HSPA12A: variants seen among roughly 807,000 people sequenced by gnomAD.
The protein encoded by HSPA12A is heat shock 70 kDa protein 12A.
HSPA12A carries 28 observed loss-of-function variants against 69.2 expected under a neutral mutation model. That is an observed-to-expected ratio of 0.40 (90% CI 0.30 to 0.55). The LOEUF (loss-of-function observed/expected upper bound fraction) is 0.55, where lower values mean the gene tolerates loss of function less well. Among genes scored for constraint, HSPA12A ranks in the 20% least tolerant of loss-of-function variants. HSPA12A has a pLI of 0.38. For synonymous variants in HSPA12A, 345 were observed against 370.5 expected (o/e 0.93, Z 0.79); for missense variants, 686 against 900.7 (o/e 0.76, Z 3.05).
At chr10:116,810,770 G>A (rs1378389812) in intron 2 of HSPA12A, among the ~76,000 whole-genome samples, 1 of 152,176 alleles carries the variant, frequency 6.6e-6, no homozygotes, top group African/African-American at 2.4e-5. Flanking sequence ...GTAGGCTCAA[G>A]TTTGAGAACC....
chr10:116,794,162 G>A (rs1230366768), intron 2 of HSPA12A, among the ~76,000 whole-genome samples: 2 of 151,866 alleles, frequency 1.3e-5, no homozygotes, highest in Non-Finnish European at 2.9e-5. Flanking sequence ...CCGAGATCGC[G>A]CCACTGCACT....
intron 2 of HSPA12A, among the ~76,000 whole-genome samples, chr10:116,826,772 G>C (rs1025203909): frequency 6.6e-6 from 1 of 152,092 alleles, no homozygotes; most frequent in African/African-American, 2.4e-5. Flanking sequence ...GAATGAATGG[G>C]GGACTATGTG....
intron 3 of HSPA12A, among the ~76,000 whole-genome samples, chr10:116,701,552 T>A (rs1850077132): frequency 6.6e-6 from 1 of 152,224 alleles, no homozygotes; most frequent in Admixed American, 6.5e-5. Context: ...AATGCATAAT[T>A]ACCTGCCTTA....
intron 2 of HSPA12A, among the ~76,000 whole-genome samples, chr10:116,754,202 C>T (rs1554888575): frequency 6.6e-6 from 1 of 152,206 alleles, no homozygotes; most frequent in African/African-American, 2.4e-5. Flanking sequence ...TCTTCCCTAA[C>T]CAGCCTGTAC....
chr10:116,805,380 GT>G (rs567283744), intron 2 of HSPA12A, among the ~76,000 whole-genome samples: 4 of 151,376 alleles, frequency 2.6e-5, no homozygotes, highest in African/African-American at 9.7e-5. Context: ...GGAGTTGAAG[GT>G]TTTTTTTTGA....
At chr10:116,798,936 C>A (rs1183291658) in intron 2 of HSPA12A, among the ~76,000 whole-genome samples, 1 of 152,040 alleles carries the variant, frequency 6.6e-6, no homozygotes, top group African/African-American at 2.4e-5. Flanking sequence ...CACCGCACAG[C>A]CAGACCCATC....
chr10:116,738,328 C>T (rs1851376586), intron 1 of HSPA12A, among the ~76,000 whole-genome samples: 2 of 152,130 alleles, frequency 1.3e-5, no homozygotes, highest in African/African-American at 4.8e-5. Context: ...TGCTGACTGA[C>T]ACTCAACAAA....
intron 6 of HSPA12A, among the ~76,000 whole-genome samples, chr10:116,688,363 C>G (rs1554879746): frequency 6.6e-6 from 1 of 152,246 alleles, no homozygotes; most frequent in African/African-American, 2.4e-5. Context: ...CCATTTGCCT[C>G]CTCCAAGAAT....
chr10:116,749,653 C>G (rs1554888118), intron 2 of HSPA12A, among the ~76,000 whole-genome samples: 1 of 152,198 alleles, frequency 6.6e-6, no homozygotes, highest in Non-Finnish European at 1.5e-5. Context: ...GACAGAATTA[C>G]AGTTCACAAA....
At chr10:116,819,178 T>G (rs1419708587) in intron 2 of HSPA12A, among the ~76,000 whole-genome samples, 3 of 152,238 alleles carry the variant, frequency 2.0e-5, no homozygotes, top group African/African-American at 7.2e-5. Context: ...TTCCCAGTTC[T>G]GAGATTCAGC....
intron 2 of HSPA12A, among the ~76,000 whole-genome samples, chr10:116,822,888 T>G (rs1420188174): frequency 1.3e-5 from 2 of 152,190 alleles, no homozygotes; most frequent in Non-Finnish European, 2.9e-5. Flanking sequence ...AAAGGAGCTA[T>G]TTCTGGCACC....
At chr10:116,699,522 T>G (rs184730091) in intron 4 of HSPA12A, among the ~76,000 whole-genome samples, 2 of 152,160 alleles carry the variant, frequency 1.3e-5, no homozygotes, top group Admixed American at 6.5e-5. Flanking sequence ...GCCTCCAGAT[T>G]GTCCCAGGCT....
rs75621185 is a variant in HSPA12A at position 116,847,445 on chromosome 10, C to T, written c.3+2121G>A. ...AAACCCCACTTATTTCTTGCCCTTC[C>T]TATATTCAGAAATTTGTGGTTGCTT... On this transcript the variant is annotated intron_variant, in intron 1 of 12. Transcript: ENST00000635765. 1.1e-3 allele frequency among the ~76,000 whole-genome samples: 166 copies of T among 152,304 alleles called. 2 individuals are homozygous for T. In the East Asian group the frequency reaches 0.03, roughly 27 times the overall value.
chr10:116,813,923 A>G (rs1845247780), intron 2 of HSPA12A, among the ~76,000 whole-genome samples: 1 of 152,296 alleles, frequency 6.6e-6, no homozygotes, highest in South Asian at 2.1e-4. Flanking sequence ...GTCTAGTAAT[A>G]GAATAACAGA....
At chr10:116,822,030 T>C (rs1275396160) in intron 2 of HSPA12A, among the ~76,000 whole-genome samples, 1 of 152,258 alleles carries the variant, frequency 6.6e-6, no homozygotes, top group African/African-American at 2.4e-5. Context: ...TGCCTATCTT[T>C]TGGTGTTCGC....
chr10:116,738,373 T>C (rs1311494325), intron 1 of HSPA12A, among the ~76,000 whole-genome samples: 1 of 152,062 alleles, frequency 6.6e-6, no homozygotes, highest in Non-Finnish European at 1.5e-5. Flanking sequence ...ACTAGTGTCC[T>C]TAGTAAAAAA....
upstream of HSPA12A, among the ~76,000 whole-genome samples, chr10:116,747,165 C>G (rs1306525056): frequency 6.6e-6 from 1 of 152,178 alleles, no homozygotes; most frequent in Non-Finnish European, 1.5e-5. Context: ...GTGAATCGGT[C>G]TCTCCATTAA....
chr10:116,819,615 G>C (rs1845372816), intron 2 of HSPA12A, among the ~76,000 whole-genome samples: 1 of 150,554 alleles, frequency 6.6e-6, no homozygotes, highest in South Asian at 2.1e-4. Flanking sequence ...CCAGCCTCCA[G>C]AACTGTGAGC....
At chr10:116,735,835 TAA>T (rs67575935) in intron 1 of HSPA12A, among the ~76,000 whole-genome samples, 125 of 136,960 alleles carry the variant, frequency 9.1e-4, no homozygotes, top group Non-Finnish European at 9.6e-4. Flanking sequence ...TGTCCCTATT[TAA>T]AAAAAAAAAA....
Sources: gnomAD v4.1 joint callset for allele counts (sites outside exome capture counted in the v4.1 genomes callset) on GRCh38, gnomAD v4.1.1 for gene constraint, MANE v1.5 for transcripts, NCBI Gene and HGNC (gene_info 2026-07-23, HGNC 2026-07-21) for gene names.